Variants in MAP3K1 observed in about 807,000 individuals in gnomAD.
MAP3K1 encodes the protein MAP/ERK kinase kinase 1.
A neutral mutation model predicts 144.2 loss-of-function variants in MAP3K1; 36 were observed. The ratio of observed to expected loss-of-function variants is 0.25; its 90% CI spans 0.19 to 0.33. The LOEUF (loss-of-function observed/expected upper bound fraction) is 0.33, where lower values mean the gene tolerates loss of function less well. MAP3K1 is among the 10% of genes least tolerant of loss of function. MAP3K1 has a pLI of 1.00. For synonymous variants in MAP3K1, 718 were observed against 688.7 expected, an observed-to-expected ratio of 1.04 and a Z score of -0.67; for missense variants, 1,650 against 1,881.9, an observed-to-expected ratio of 0.88 and a Z score of 2.28.
chr5:56,822,451 A>G (rs1455627606), intron 1 of MAP3K1, among the ~76,000 whole-genome samples: 1 of 152,256 alleles, frequency 6.6e-6, no homozygotes, highest in Non-Finnish European at 1.5e-5. Context: ...GCCATGCTCA[A>G]ACTGTCAAAT....
chr5:56,837,932 G>C (rs1472011209), intron 1 of MAP3K1, among the ~76,000 whole-genome samples: 2 of 152,142 alleles, frequency 1.3e-5, no homozygotes, highest in Non-Finnish European at 2.9e-5. Context: ...GTTTCTCCAA[G>C]GGGACCCTAG....
Position 56,875,049 on chromosome 5 carries a change from C to G in MAP3K1, c.1704C>G (p.Leu568=), listed in dbSNP as rs753534033. ...EPWIQVFGME[L]VGCLFSRNWN... Reference sequence around the variant, plus strand: ...TGATACAGGTGTTTGGAATGGAACTCGTTGGCTGCTTATTTTCTAGAAACT... The same window carrying G: ...TGATACAGGTGTTTGGAATGGAACTGGTTGGCTGCTTATTTTCTAGAAACT... Residue 568 remains leucine, a synonymous_variant, in exon 10 of 20, where the codon CTC becomes CTG. Coordinates refer to ENST00000399503, the MANE Select transcript of MAP3K1 (RefSeq NM_005921.2). The G allele has an allele frequency of 2.5e-6, 4 of 1,614,170 alleles. No individual in the cohort carries two copies. In the East Asian group the frequency reaches 8.9e-5, roughly 36 times the overall value.
At chr5:56,868,369 T>A (rs1747741734) in intron 6 of MAP3K1, among the ~76,000 whole-genome samples, 1 of 152,110 alleles carries the variant, frequency 6.6e-6, no homozygotes, top group Non-Finnish European at 1.5e-5. Context: ...ACAAAGATGT[T>A]TGTAATGGTT....
intron 3 of MAP3K1, 35 bp downstream of exon 3, chr5:56,859,950 A>T (rs929910557): frequency 6.6e-7 from 1 of 1,516,240 alleles, no homozygotes; most frequent in Middle Eastern, 1.8e-4. Flanking sequence ...GTTAGTTTTT[A>T]TAATTTTTAG....
At chr5:56,856,880 G>A in intron 2 of MAP3K1, 130 bp downstream of exon 2, 1 of 973,320 alleles carries the variant, frequency 1.0e-6, no homozygotes, top group Non-Finnish European at 1.6e-6. Flanking sequence ...ACTTGATATT[G>A]TGGTCATTTG....
At chr5:56,821,209 C>G (rs944329380) in intron 1 of MAP3K1, among the ~76,000 whole-genome samples, 13 of 152,152 alleles carry the variant, frequency 8.5e-5, no homozygotes, top group African/African-American at 3.1e-4. Context: ...GAAGGGAGTT[C>G]TGTATTGTTA....
At chr5:56,831,143 A>G (rs973555075) in intron 1 of MAP3K1, among the ~76,000 whole-genome samples, 3 of 150,596 alleles carry the variant, frequency 2.0e-5, no homozygotes, top group African/African-American at 4.9e-5. Context: ...TCTGTCTTCT[A>G]TAACTTTTTT....
intron 1 of MAP3K1, among the ~76,000 whole-genome samples, chr5:56,818,279 T>C (rs151292376): frequency 5.9e-5 from 9 of 152,318 alleles, no homozygotes; most frequent in Admixed American, 5.2e-4. Context: ...TATGCTACAC[T>C]ATTACTTACC....
At chr5:56,875,353 G>T (rs1403147601) in intron 10 of MAP3K1, 43 bp downstream of exon 10, 154 of 1,601,458 alleles carry the variant, frequency 9.6e-5, no homozygotes, top group Non-Finnish European at 1.2e-4. Context: ...TGGGTTTGGG[G>T]TTTTTTGATG....
chr5:56,831,820 A>G (rs1389549664), intron 1 of MAP3K1, among the ~76,000 whole-genome samples: 1 of 152,214 alleles, frequency 6.6e-6, no homozygotes, highest in African/African-American at 2.4e-5. Flanking sequence ...TCTGATACTA[A>G]ACAGTTTACT....
chr5:56,828,212 T>C (rs746341737), intron 1 of MAP3K1, among the ~76,000 whole-genome samples: 4 of 152,162 alleles, frequency 2.6e-5, no homozygotes, highest in Non-Finnish European at 5.9e-5. Flanking sequence ...TTTGAAATGA[T>C]TTACTAGAAA....
intron 1 of MAP3K1, among the ~76,000 whole-genome samples, chr5:56,848,143 T>G (rs1747054955): frequency 6.6e-6 from 1 of 152,166 alleles, no homozygotes; most frequent in African/African-American, 2.4e-5. Context: ...TTAAGAATGA[T>G]TTGATACTGA....
intron 1 of MAP3K1, chr5:56,816,978 C>G (rs1242683611): frequency 4.3e-6 from 3 of 703,098 alleles, no homozygotes; most frequent in Non-Finnish European, 5.2e-6. Flanking sequence ...TCCGGCTTGG[C>G]CCGGGGACTG....
chr5:56,887,689 T>C, intron 18 of MAP3K1, 169 bp downstream of exon 18: 1 of 732,358 alleles, frequency 1.4e-6, no homozygotes, highest in South Asian at 1.6e-5. Context: ...TCTCGACCTT[T>C]CTTTGCCTTG....
intron 3 of MAP3K1, among the ~76,000 whole-genome samples, chr5:56,863,795 A>C (rs1346682131): frequency 6.6e-6 from 1 of 152,204 alleles, no homozygotes; most frequent in Non-Finnish European, 1.5e-5. Flanking sequence ...AACATTTATT[A>C]CCCTTAACTA....
At chr5:56,818,079 G>A (rs577970767) in intron 1 of MAP3K1, among the ~76,000 whole-genome samples, 123 of 152,090 alleles carry the variant, frequency 8.1e-4, no homozygotes, top group Non-Finnish European at 1.6e-3. Context: ...AATGCTGTTG[G>A]TTTATCCCAA....
chr5:56,865,800 T>C (rs776091964), intron 5 of MAP3K1, 29 bp from the exon 6 acceptor site: 6 of 1,609,462 alleles, frequency 3.7e-6, no homozygotes, highest in Middle Eastern at 1.6e-4. Context: ...GGCACAAATA[T>C]CATTGTTACT....
intron 1 of MAP3K1, among the ~76,000 whole-genome samples, chr5:56,844,072 A>G (rs2111823683): frequency 6.6e-6 from 1 of 151,996 alleles, no homozygotes; most frequent in African/African-American, 2.4e-5. Context: ...AGGTCTTATT[A>G]GAGGCTCTGT....
intron 1 of MAP3K1, among the ~76,000 whole-genome samples, chr5:56,825,426 T>A (rs1746283162): frequency 6.6e-6 from 1 of 152,254 alleles, no homozygotes; most frequent in Non-Finnish European, 1.5e-5. Context: ...GTATCTTTGC[T>A]GACTCATTGA....
Sources: allele counts gnomAD v4.1 joint callset (sites outside exome capture counted in the v4.1 genomes callset), GRCh38; gene constraint gnomAD v4.1.1; transcripts MANE v1.5; gene names NCBI Gene and HGNC (gene_info 2026-07-23, HGNC 2026-07-21).